The following SEMA3E variants were observed in gnomAD, a reference collection of about 807,000 sequenced individuals.
SEMA3E encodes the protein semaphorin 3E.
SEMA3E carries 49 observed loss-of-function variants against 93.6 expected under a neutral mutation model. The ratio of observed to expected loss-of-function variants is 0.52; its 90% confidence interval spans 0.42 to 0.66. The LOEUF (loss-of-function observed/expected upper bound fraction) is 0.66, where lower values mean the gene tolerates loss of function less well. Among genes scored for constraint, SEMA3E ranks in the 30% least tolerant of loss-of-function variants. SEMA3E has a pLI of 0.00. For synonymous variants in SEMA3E, 363 were observed against 330.7 expected (o/e 1.10, Z -1.06); for missense variants, 906 against 964.8 (o/e 0.94, Z 0.81).
At chr7:83,408,169 T>C (rs1198248806) in intron 6 of SEMA3E, among the ~76,000 whole-genome samples, 199 bp downstream of exon 6, 1 of 152,210 alleles carries the variant, frequency 6.6e-6, no homozygotes, top group African/African-American at 2.4e-5. Flanking sequence ...ATTTTATAAT[T>C]AAGCCAATCA....
At chr7:83,454,307 T>G (rs1161946556) in intron 4 of SEMA3E, among the ~76,000 whole-genome samples, 1 of 133,356 alleles carries the variant, frequency 7.5e-6, no homozygotes, top group Non-Finnish European at 1.6e-5. Flanking sequence ...AATGTGTGTA[T>G]ATATATTTGA....
intron 1 of SEMA3E, among the ~76,000 whole-genome samples, chr7:83,634,238 G>A (rs1289981195): frequency 6.6e-6 from 1 of 152,054 alleles, no homozygotes; most frequent in African/African-American, 2.4e-5. Context: ...TGTCCCTTGA[G>A]ACCAGTACTA....
intron 1 of SEMA3E, among the ~76,000 whole-genome samples, chr7:83,583,151 T>A (rs980106236): frequency 6.6e-6 from 1 of 152,210 alleles, no homozygotes; most frequent in Non-Finnish European, 1.5e-5. Flanking sequence ...AATATTTATG[T>A]AGGTCTAACA....
At chr7:83,532,006 A>C (rs1308210577) in intron 1 of SEMA3E, among the ~76,000 whole-genome samples, 2 of 152,186 alleles carry the variant, frequency 1.3e-5, no homozygotes, top group African/African-American at 2.4e-5. Context: ...ACATGTGATA[A>C]ACGTGACTTT....
At chr7:83,641,049 C>T (rs1473968409) in intron 1 of SEMA3E, among the ~76,000 whole-genome samples, 1 of 152,100 alleles carries the variant, frequency 6.6e-6, no homozygotes, top group Non-Finnish European at 1.5e-5. Flanking sequence ...AGGAGGGTGC[C>T]TGGAGGTCCC....
chr7:83,415,352 G>C (rs981311160), intron 5 of SEMA3E, among the ~76,000 whole-genome samples: 1 of 152,000 alleles, frequency 6.6e-6, no homozygotes, highest in African/African-American at 2.4e-5. Context: ...GATATGAGCT[G>C]ATATGCTACC....
chr7:83,445,501 T>C (rs1470460560), intron 4 of SEMA3E, among the ~76,000 whole-genome samples: 1 of 152,150 alleles, frequency 6.6e-6, no homozygotes, highest in Non-Finnish European at 1.5e-5. Flanking sequence ...GTGTTTGGCC[T>C]GAGGTCAGGA....
chr7:83,521,334 T>A (rs1362536887), intron 1 of SEMA3E, among the ~76,000 whole-genome samples: 3 of 152,080 alleles, frequency 2.0e-5, no homozygotes, highest in Non-Finnish European at 2.9e-5. Context: ...AGAAGTCTAT[T>A]CCAATCTTGC....
At chr7:83,475,180 C>T (rs1027540782) in intron 2 of SEMA3E, among the ~76,000 whole-genome samples, 2 of 151,756 alleles carry the variant, frequency 1.3e-5, no homozygotes, top group South Asian at 4.2e-4. Flanking sequence ...ATATTAGCAT[C>T]CCTTCTTACT....
At chr7:83,603,529 CAT>C (rs1435662359) in intron 1 of SEMA3E, among the ~76,000 whole-genome samples, 8 of 151,956 alleles carry the variant, frequency 5.3e-5, no homozygotes, top group Non-Finnish European at 4.4e-5. Flanking sequence ...AGAAAAATGA[CAT>C]ATCTTTTCAG....
rs79868698 is a variant in SEMA3E at position 83,448,695 on chromosome 7, A to G, written c.456+17787T>C. On this transcript the variant is annotated intron_variant, in intron 4 of 16. Coordinates refer to ENST00000643230, the MANE Select transcript of SEMA3E (RefSeq NM_012431.3). Reference sequence around the variant, plus strand: ...AAAGAAAATTTGAAAACCGAATCTGATAACATTTCCAAACTAAAGTAGACT... The same window carrying G: ...AAAGAAAATTTGAAAACCGAATCTGGTAACATTTCCAAACTAAAGTAGACT... 4.1e-3 allele frequency among the ~76,000 whole-genome samples: 626 copies of G among 152,340 alleles called. 6 individuals are homozygous for G. Among genetic ancestry groups the G allele is most frequent in the African/African-American group, 0.014 (566 of 41,580 alleles).
At chr7:83,565,215 T>A (rs564107875) in intron 1 of SEMA3E, among the ~76,000 whole-genome samples, 2 of 152,126 alleles carry the variant, frequency 1.3e-5, no homozygotes, top group Non-Finnish European at 2.9e-5. Flanking sequence ...TATGCAGCCA[T>A]AAAAAACAAT....
At chr7:83,562,168 CAG>C (rs1398896564) in intron 1 of SEMA3E, among the ~76,000 whole-genome samples, 2 of 152,060 alleles carry the variant, frequency 1.3e-5, no homozygotes, top group African/African-American at 2.4e-5. Context: ...TCTAAAAGCA[CAG>C]AGTTTTCTTA....
At chr7:83,466,809 G>A (rs1789770345) in intron 3 of SEMA3E, among the ~76,000 whole-genome samples, 2 of 152,078 alleles carry the variant, frequency 1.3e-5, no homozygotes, top group South Asian at 4.1e-4. Flanking sequence ...GCAGTGATGT[G>A]TAAATTACAT....
intron 1 of SEMA3E, among the ~76,000 whole-genome samples, chr7:83,550,220 A>G (rs1344221858): frequency 1.3e-5 from 2 of 152,260 alleles, no homozygotes; most frequent in East Asian, 3.9e-4. Flanking sequence ...CCACATTCAC[A>G]ATTGCTTTAG....
intron 14 of SEMA3E, among the ~76,000 whole-genome samples, chr7:83,387,927 T>C (rs1333427416): frequency 6.8e-6 from 1 of 146,810 alleles, no homozygotes; most frequent in Non-Finnish European, 1.5e-5. Flanking sequence ...ATATATGTAA[T>C]ATACATATGT....
intron 1 of SEMA3E, among the ~76,000 whole-genome samples, chr7:83,546,818 A>G (rs1408519347): frequency 6.6e-6 from 1 of 152,090 alleles, no homozygotes; most frequent in Non-Finnish European, 1.5e-5. Flanking sequence ...CAATAAAGAT[A>G]TGGCTGATTT....
chr7:83,633,527 G>C (rs1304766325), intron 1 of SEMA3E, among the ~76,000 whole-genome samples: 2 of 151,984 alleles, frequency 1.3e-5, no homozygotes, highest in African/African-American at 4.8e-5. Flanking sequence ...AGCCAGACGA[G>C]GAAAACATTT....
intron 2 of SEMA3E, among the ~76,000 whole-genome samples, chr7:83,472,898 C>T (rs1390749983): frequency 2.6e-5 from 4 of 152,250 alleles, no homozygotes; most frequent in Middle Eastern, 3.4e-3. Flanking sequence ...GGCTGTTCCC[C>T]CTTGGCTTGG....
Sources: allele counts gnomAD v4.1 joint callset (sites outside exome capture counted in the v4.1 genomes callset), GRCh38; gene constraint gnomAD v4.1.1; transcripts MANE v1.5; gene names NCBI Gene and HGNC (gene_info 2026-07-23, HGNC 2026-07-21).